TDRD6: variants seen among roughly 807,000 people sequenced by gnomAD.
TDRD6 encodes the protein tudor domain-containing protein 6.
In TDRD6, 186 loss-of-function variants were observed where a neutral mutation model predicts 157.5. The observed-to-expected ratio is 1.18, with a 90% confidence interval of 1.05 to 1.33. TDRD6 has a LOEUF of 1.33. TDRD6 is among the 40% of genes most tolerant of loss of function. TDRD6 has a pLI of 0.00. For synonymous variants in TDRD6, 1,075 were observed against 945.2 expected, an observed-to-expected ratio of 1.14 and a Z score of -2.52; for missense variants, 3,066 against 2,508.0, an observed-to-expected ratio of 1.22 and a Z score of -4.75.
At position 46,688,949 on chromosome 6, in the gene TDRD6, A is replaced by G. The variant is rs753675227; in HGVS notation, c.821A>G (p.Gln274Arg). The G allele has an allele frequency of 6.2e-7, 1 of 1,612,342 alleles. No individual in the cohort carries two copies. The highest frequency in any genetic ancestry group is 1.1e-5 in the South Asian group (1 of 90,962). ...CACTGCCAGCTCCGCAGCGTCTCGC[A>G]GGAGATCCACCGCCTCTCCGAGAGC... The part of the protein sequence containing the change: ...RIHCQLRSVS[Q>R]EIHRLSESMA... Residue 274 changes from glutamine (Q) to arginine (R), a missense_variant, in exon 1 of 4, where the codon CAG becomes CGG. Gln to Arg is a conservative substitution (Grantham distance 43). Transcript: ENST00000316081.
chr6:46,692,776 G>A lies in TDRD6; in HGVS notation c.4648G>A (p.Glu1550Lys). 6.2e-7 allele frequency: 1 copy of A among 1,614,024 alleles called. No individual in the cohort carries two copies. The highest frequency in any genetic ancestry group is 1.1e-5 in the South Asian group (1 of 90,942). Residue 1550 changes from glutamate (E) to lysine (K), a missense_variant, in exon 1 of 4, where the codon GAA becomes AAA. Coordinates refer to ENST00000316081, the MANE Select transcript of TDRD6 (RefSeq NM_001010870.3). ...GGAGAAACTTCAGTGTTTAGAAGTA[G>A]AAGTACAGACTGCTGGAGAACAGGT... ...DTEKLQCLEVEVQTAGEQVAD... is the reference protein window; with the variant it reads ...DTEKLQCLEVKVQTAGEQVAD...
chr6:46,691,718 A>T lies in TDRD6; in HGVS notation c.3590A>T (p.Lys1197Ile), dbSNP rs1280749662. 1 of 1,605,372 alleles carries T rather than the reference A, an allele frequency of 6.2e-7. No individual in the cohort carries two copies. Among genetic ancestry groups the T allele is most frequent in the South Asian group, 1.1e-5 (1 of 89,384 alleles). The change falls in exon 1 of 4, where the codon AAA (lysine) becomes ATA (isoleucine). Residue 1197 changes from lysine to isoleucine, a missense_variant. By Grantham distance (102) the Lys-to-Ile change is moderately radical. Coordinates refer to ENST00000316081, the MANE Select transcript of TDRD6 (RefSeq NM_001010870.3). ...MKLPCTEYLSKSVGYKLPNKE... is the reference protein window; with the variant it reads ...MKLPCTEYLSISVGYKLPNKE... ...TTGCCATGTACAGAGTATTTAAGTA[A>T]ATCAGTAGGGTACAAGTTACCTAAT...
chr6:46,688,122 C>A lies in TDRD6; in HGVS notation c.-7C>A, dbSNP rs202198590. On this transcript the variant is annotated 5_prime_UTR_variant, in exon 1 of 4. Transcript: ENST00000316081. ...TCCGGAAGTGGGGGCCGCGCCGCGC[C>A]GTCAAGATGTGCTCGACGCCCGGAA... is the stretch of plus-strand genomic sequence containing the variant. 3.3e-4 allele frequency: 494 copies of A among 1,505,370 alleles called. 1 individual carries two copies. In the East Asian group the frequency reaches 8.6e-3, roughly 26 times the overall value. The allele number at this position is 1,505,370 out of a possible 1,614,324, so 93.3% of individuals were successfully genotyped here. A position where few individuals can be genotyped will look rare whatever the true frequency, so the allele number is the denominator to read the frequency against.
At chr6:46,696,222 T>G (rs1764492094) in intron 2 of TDRD6, among the ~76,000 whole-genome samples, 1 of 151,996 alleles carries the variant, frequency 6.6e-6, no homozygotes, top group South Asian at 2.1e-4. Flanking sequence ...AGTTGGAATT[T>G]TTTATATCTA....
Position 46,691,294 on chromosome 6 carries a change from G to A in TDRD6, c.3166G>A (p.Glu1056Lys), listed in dbSNP as rs149648431. The change falls in exon 1 of 4, where the codon GAG (glutamate) becomes AAG (lysine). Residue 1056 changes from glutamate (E) to lysine (K), a missense_variant. Physicochemically the swap from Glu to Lys is moderately conservative, Grantham distance 56 (BLOSUM62 1). Coordinates refer to ENST00000316081, the MANE Select transcript of TDRD6 (RefSeq NM_001010870.3). ...AAACTGGTATAGGGGCATAGTAATA[G>A]AGAAAGAGCCAAAGAAAGTCTTCTT... ...DGNWYRGIVI[E>K]KEPKKVFFVD... 2.4e-5 allele frequency: 39 copies of A among 1,613,920 alleles called. No individual in the cohort carries two copies. In the African/African-American group the frequency reaches 4.7e-4, roughly 19 times the overall value.
Position 46,691,244 on chromosome 6 carries a change from T to C in TDRD6, c.3116T>C (p.Leu1039Ser). 1.2e-6 allele frequency: 2 copies of C among 1,614,084 alleles called. No homozygotes were observed. Among genetic ancestry groups the C allele is most frequent in the Non-Finnish European group, 1.7e-6 (2 of 1,179,958 alleles). Reference protein sequence around the residue: ...LKTSPLNPGTLCLAKYTDGNW... With the variant: ...LKTSPLNPGTSCLAKYTDGNW... ...ACATCTCCCTTGAACCCTGGAACCTTGTGCCTTGCCAAGTATACTGATGGA... is the reference window on the plus strand; with the variant it reads ...ACATCTCCCTTGAACCCTGGAACCTCGTGCCTTGCCAAGTATACTGATGGA... The change falls in exon 1 of 4, where the codon TTG becomes TCG. Residue 1039 changes from leucine (L) to serine (S), a missense_variant. By Grantham distance (145) the Leu-to-Ser change is moderately radical. Coordinates refer to ENST00000316081, the MANE Select transcript of TDRD6 (RefSeq NM_001010870.3).
chr6:46,683,515 T>C (rs751343529), upstream of TDRD6, among the ~76,000 whole-genome samples: 9 of 152,032 alleles, frequency 5.9e-5, no homozygotes, highest in Non-Finnish European at 1.0e-4. Flanking sequence ...ACAAATTTTC[T>C]TCAAAAGACA....
rs1764149727 is a variant in TDRD6 at position 46,687,928 on chromosome 6, T to C, written c.-201T>C. On this transcript the variant is annotated 5_prime_UTR_variant, in exon 1 of 4. Coordinates refer to ENST00000316081, the MANE Select transcript of TDRD6 (RefSeq NM_001010870.3). ...TCGGGCGGTTGGAGGGGCTACCGGG[T>C]CTTACCAGTCCGTGGCGGGAGTCCC... 1.0e-5 allele frequency: 8 copies of C among 781,706 alleles called. No homozygotes were observed. Among genetic ancestry groups the C allele is most frequent in the Non-Finnish European group, 1.3e-5 (7 of 536,772 alleles). 48.4% of individuals were successfully genotyped at this position (781,706 alleles called of 1,614,324 possible).
rs1429618459 is a variant in TDRD6, at chr6:46,703,427, A to G, written c.*1540A>G. The stretch of plus-strand genomic sequence containing the variant: ...GAATTGCCAGAAGCAAAGCTCAGAG[A>G]AGATGCATTAGGATCAGATTATAGG... On this transcript the variant is annotated 3_prime_UTR_variant, in exon 4 of 4. Transcript: ENST00000316081. The G allele has an allele frequency of 6.6e-6, 1 of 152,114 alleles. No homozygotes were observed. The highest frequency in any genetic ancestry group is 2.4e-5 in the African/African-American group (1 of 41,444). The allele number at this position is 152,114 out of a possible 1,614,324, so 9.4% of individuals were successfully genotyped here.
Position 46,693,636 on chromosome 6 carries a change from G to T in TDRD6, c.5508G>T (p.Glu1836Asp). The T allele has an allele frequency of 6.2e-7, 1 of 1,614,180 alleles. No individual in the cohort carries two copies. The highest frequency in any genetic ancestry group is 1.1e-5 in the South Asian group (1 of 91,078). The part of the protein sequence containing the change: ...TKEILELNSL[E>D]VPLSPDDESK... ...AGATACTAGAACTGAATTCACTTGA[G>T]GTGCCGCTTTCTCCTGATGATGAAT... Residue 1836 changes from glutamate (E) to aspartate (D), a missense_variant, in exon 1 of 4, where the codon GAG (glutamate) becomes GAT (aspartate). Coordinates refer to ENST00000316081, the MANE Select transcript of TDRD6 (RefSeq NM_001010870.3).
upstream of TDRD6, chr6:46,687,811 G>A (rs1332657745): frequency 2.5e-5 from 8 of 318,136 alleles, no homozygotes; most frequent in South Asian, 3.6e-4. Flanking sequence ...TTAGGCGTTA[G>A]GCCAACCCCA....
chr6:46,685,198 C>T (rs184115857), upstream of TDRD6, among the ~76,000 whole-genome samples: 1 of 151,146 alleles, frequency 6.6e-6, no homozygotes, highest in Admixed American at 6.6e-5. Context: ...CTATGTCAGA[C>T]GTGTGGTTTG....
In TDRD6 at chr6:46,690,967, G is replaced by T; in HGVS notation, c.2839G>T (p.Ala947Ser). The T allele has an allele frequency of 1.2e-6, 2 of 1,614,120 alleles. No individual in the cohort carries two copies. Among genetic ancestry groups the T allele is most frequent in the Non-Finnish European group, 8.5e-7 (1 of 1,179,994 alleles). The part of the protein sequence containing the change: ...IVDLLTPFQS[A>S]CHFLVEKRLA... Reference sequence around the variant, plus strand: ...GGATTTGCTAACCCCCTTTCAGAGTGCATGCCATTTCTTGGTAGAAAAGAG... The same window carrying T: ...GGATTTGCTAACCCCCTTTCAGAGTTCATGCCATTTCTTGGTAGAAAAGAG... The change falls in exon 1 of 4, where the codon GCA becomes TCA. Residue 947 changes from alanine (A) to serine (S), a missense_variant. Ala to Ser is a moderately conservative substitution (Grantham distance 99, BLOSUM62 1). Transcript: ENST00000316081.
Position 46,695,954 on chromosome 6 carries a change from T to C in TDRD6, c.6171+9T>C. On this transcript the variant is annotated intron_variant, in intron 2 of 3. Transcript: ENST00000316081. The stretch of plus-strand genomic sequence containing the variant: ...CTGAAGAAGGAACAAGGGTAAGTGA[T>C]GTTTAAGTACTTTATCTCCAAATGT... 6.2e-7 allele frequency: 1 copy of C among 1,609,176 alleles called. No homozygotes were observed. The highest frequency in any genetic ancestry group is 8.5e-7 in the Non-Finnish European group (1 of 1,178,014).
At position 46,687,998 on chromosome 6, in the gene TDRD6, C is replaced by A; in HGVS notation, c.-131C>A. ...AGTTGCCGAGAAAAGGCCTCGCCGG[C>A]ATTCTTCCCCTCCACTGGGTCCTTT... On this transcript the variant is annotated 5_prime_UTR_variant, in exon 1 of 4. Coordinates refer to ENST00000316081, the MANE Select transcript of TDRD6 (RefSeq NM_001010870.3). 7.5e-7 allele frequency: 1 copy of A among 1,327,522 alleles called. No homozygotes were observed. The highest frequency in any genetic ancestry group is 9.7e-7 in the Non-Finnish European group (1 of 1,028,650). 82.2% of individuals were successfully genotyped at this position (1,327,522 alleles called of 1,614,324 possible).
In TDRD6 at chr6:46,690,251, A is replaced by G; in HGVS notation, c.2123A>G (p.Gln708Arg). The change falls in exon 1 of 4, where the codon CAG (glutamine) becomes CGG (arginine). Residue 708 changes from glutamine (Q) to arginine (R), a missense_variant. Gln to Arg is a conservative substitution (Grantham distance 43, BLOSUM62 1). Coordinates refer to ENST00000316081, the MANE Select transcript of TDRD6 (RefSeq NM_001010870.3). Reference sequence around the variant, plus strand: ...TTTGCCAAGACTGGAGAAGGAGAGCAGAAAGCCAAGAGAGAGAATAAAACC... The same window carrying G: ...TTTGCCAAGACTGGAGAAGGAGAGCGGAAAGCCAAGAGAGAGAATAAAACC... ...IPFAKTGEGEQKAKRENKTTS... is the reference protein window; with the variant it reads ...IPFAKTGEGERKAKRENKTTS... 6.2e-7 allele frequency: 1 copy of G among 1,613,928 alleles called. No individual in the cohort carries two copies. Among genetic ancestry groups the G allele is most frequent in the Non-Finnish European group, 8.5e-7 (1 of 1,180,036 alleles).
Position 46,689,669 on chromosome 6 carries a change from G to T in TDRD6, c.1541G>T (p.Ser514Ile), listed in dbSNP as rs747426419. ...TTGAGGAAACACAATGTCACCTTCA[G>T]TAAGCTGATGAGGAGAATGTGTGGT... ...IRLRKHNVTF[S>I]KLMRRMCGFY... Residue 514 changes from serine to isoleucine, a missense_variant, in exon 1 of 4, where the codon AGT (serine) becomes ATT (isoleucine). By Grantham distance (142) the Ser-to-Ile change is moderately radical. Transcript: ENST00000316081. 48 of 1,614,244 alleles carry T rather than the reference G, an allele frequency of 3.0e-5. No homozygotes were observed. Among genetic ancestry groups the T allele is most frequent in the Non-Finnish European group, 3.8e-5 (45 of 1,180,042 alleles).
rs774105504 is a variant in TDRD6 at position 46,691,529 on chromosome 6, A to G, written c.3401A>G (p.Asp1134Gly). 3 of 1,614,038 alleles carry G rather than the reference A, an allele frequency of 1.9e-6. No individual in the cohort carries two copies. Among genetic ancestry groups the G allele is most frequent in the East Asian group, 4.5e-5 (2 of 44,854 alleles). The change falls in exon 1 of 4, where the codon GAT (aspartate) becomes GGT (glycine). Residue 1134 changes from aspartate to glycine, a missense_variant. Transcript: ENST00000316081. Reference sequence around the variant, plus strand: ...GCTTTAGTTGTAGCAAAAGATCCAGATGGAACACTGATTATAGAACTATAT... The same window carrying G: ...GCTTTAGTTGTAGCAAAAGATCCAGGTGGAACACTGATTATAGAACTATAT... ...LKALVVAKDP[D>G]GTLIIELYGD... is the part of the protein sequence containing the mutation.
chr6:46,690,934 A>G lies in TDRD6; in HGVS notation c.2806A>G (p.Asn936Asp). 6.2e-7 allele frequency: 1 copy of G among 1,614,152 alleles called. No homozygotes were observed. The highest frequency in any genetic ancestry group is 8.5e-7 in the Non-Finnish European group (1 of 1,179,998). The change falls in exon 1 of 4, where the codon AAC becomes GAC. Residue 936 changes from asparagine (N) to aspartate (D), a missense_variant. Coordinates refer to ENST00000316081, the MANE Select transcript of TDRD6 (RefSeq NM_001010870.3). ...GGCTTCAATTAATGAAGAACTGTTT[A>G]ACATTGTGGATTTGCTAACCCCCTT... ...ALASINEELF[N>D]IVDLLTPFQS...
Sources: allele counts gnomAD v4.1 joint callset (sites outside exome capture counted in the v4.1 genomes callset), GRCh38; gene constraint gnomAD v4.1.1; transcripts MANE v1.5; gene names NCBI Gene and HGNC (gene_info 2026-07-23, HGNC 2026-07-21).